The following MAD1L1 variants were observed in gnomAD, a reference collection of about 807,000 sequenced individuals.
MAD1L1 encodes mitotic arrest deficient 1 like 1.
Under a neutral mutation model 96.9 loss-of-function variants are expected in MAD1L1, and 95 were observed. The ratio of observed to expected loss-of-function variants is 0.98; its 90% CI spans 0.83 to 1.16. MAD1L1 has a LOEUF of 1.16. Ranked by LOEUF, MAD1L1 falls within the 50% of genes most tolerant of loss-of-function variation. MAD1L1 has a pLI of 0.00. For synonymous variants in MAD1L1, 473 were observed against 396.6 expected, an observed-to-expected ratio of 1.19 and a Z score of -2.29; for missense variants, 1,007 against 954.4, an observed-to-expected ratio of 1.06 and a Z score of -0.73.
At chr7:2,072,373 C>T (rs1785174449) in intron 11 of MAD1L1, among the ~76,000 whole-genome samples, 1 of 152,246 alleles carries the variant, frequency 6.6e-6, no homozygotes. Flanking sequence ...CCTCGGAAAG[C>T]CCTACACTGA....
chr7:1,934,684 C>T (rs979383304), intron 17 of MAD1L1, among the ~76,000 whole-genome samples: 2 of 148,678 alleles, frequency 1.3e-5, no homozygotes, highest in African/African-American at 2.5e-5. Context: ...GATGGGCGAA[C>T]CCGAGACAGG....
intron 11 of MAD1L1, chr7:2,148,380 GC>G (rs1472321676): frequency 6.5e-6 from 1 of 153,182 alleles, no homozygotes; most frequent in Non-Finnish European, 1.5e-5. Flanking sequence ...CCACCCCACT[GC>G]CCACCAGCCC....
chr7:2,025,615 G>A (rs1285739391), intron 12 of MAD1L1, among the ~76,000 whole-genome samples: 1 of 152,024 alleles, frequency 6.6e-6, no homozygotes, highest in Non-Finnish European at 1.5e-5. Flanking sequence ...TGCAACACAG[G>A]GGAATAAAAA....
chr7:2,099,609 G>T (rs1007629257), intron 11 of MAD1L1, among the ~76,000 whole-genome samples: 133 of 100,268 alleles, frequency 1.3e-3, no homozygotes, highest in Middle Eastern at 7.0e-3. Context: ...TGAGCGCATC[G>T]GGCTGGGAGA....
At chr7:1,987,572 G>A (rs532143261) in intron 14 of MAD1L1, among the ~76,000 whole-genome samples, 19 of 152,156 alleles carry the variant, frequency 1.2e-4, no homozygotes, top group African/African-American at 3.9e-4. Context: ...CATCGGGGAG[G>A]GGGGGAGAGG....
intron 18 of MAD1L1, among the ~76,000 whole-genome samples, chr7:1,860,227 C>T (rs1300440690): frequency 1.4e-5 from 2 of 146,338 alleles, no homozygotes; most frequent in Admixed American, 1.4e-4. Flanking sequence ...CCTCTGTGTC[C>T]CTAGACATGA....
At chr7:1,898,127 G>A (rs1787001576) in intron 18 of MAD1L1, 73 bp downstream of exon 18, 3 of 1,470,566 alleles carry the variant, frequency 2.0e-6, no homozygotes, top group South Asian at 1.2e-5. Context: ...TTTGCTGAGG[G>A]CTACGGTCGG....
rs148352019 is a variant in MAD1L1, at chr7:1,989,607, C to T, written c.1417-9066G>A. On this transcript the variant is annotated intron_variant, in intron 14 of 18. Transcript: ENST00000265854. ...GGACCCTGGGAGAGCAGCCTGAGCGCGAGCACAGACGTCCCGGCAGCGCTC... is the reference window on the plus strand; with the variant it reads ...GGACCCTGGGAGAGCAGCCTGAGCGTGAGCACAGACGTCCCGGCAGCGCTC... Among the ~76,000 whole-genome samples the T allele has an allele frequency of 2.7e-3, 418 of 152,330 alleles. 1 individual carries two copies. Among genetic ancestry groups the T allele is most frequent in the African/African-American group, 9.6e-3 (399 of 41,566 alleles).
chr7:1,982,072 G>A (rs779144228), intron 14 of MAD1L1, among the ~76,000 whole-genome samples: 3 of 152,144 alleles, frequency 2.0e-5, no homozygotes, highest in Non-Finnish European at 4.4e-5. Flanking sequence ...TCCGGAGGCT[G>A]CTGGTGCGCA....
At position 1,995,896 on chromosome 7, in the gene MAD1L1, G is replaced by A. The variant is rs535189534; in HGVS notation, c.1416+6169C>T. Reference sequence around the variant, plus strand: ...AGCACTTCGTCGTGGAGCAGGATGGGTCCGGAAGGTGAAATGAGGTACTGT... The same window carrying A: ...AGCACTTCGTCGTGGAGCAGGATGGATCCGGAAGGTGAAATGAGGTACTGT... On this transcript the variant is annotated intron_variant, in intron 14 of 18. Transcript: ENST00000265854. Among the ~76,000 whole-genome samples the A allele has an allele frequency of 5.3e-5, 8 of 152,306 alleles. No homozygotes were observed. The South Asian group carries it at 1.7e-3, about 32-fold the overall frequency.
At chr7:1,963,790 G>A (rs1388023220) in intron 15 of MAD1L1, among the ~76,000 whole-genome samples, 1 of 152,194 alleles carries the variant, frequency 6.6e-6, no homozygotes, top group Non-Finnish European at 1.5e-5. Context: ...GGGCCTAGAA[G>A]GTACTTCTGC....
intron 17 of MAD1L1, among the ~76,000 whole-genome samples, chr7:1,900,499 G>A (rs1322244409): frequency 1.3e-5 from 2 of 152,192 alleles, no homozygotes; most frequent in Admixed American, 6.5e-5. Context: ...AGCCCCTCCA[G>A]CAGGACGAGG....
intron 11 of MAD1L1, among the ~76,000 whole-genome samples, chr7:2,094,807 C>T (rs556577211): frequency 1.1e-4 from 16 of 152,160 alleles, no homozygotes; most frequent in South Asian, 8.3e-4. Flanking sequence ...AGACCAAACA[C>T]GGCAAAAGTG....
chr7:1,833,062 G>A (rs181161067), intron 18 of MAD1L1, among the ~76,000 whole-genome samples: 2 of 152,296 alleles, frequency 1.3e-5, no homozygotes, highest in African/African-American at 4.8e-5. Flanking sequence ...TAAAGGTTCG[G>A]GTGATCATTA....
intron 12 of MAD1L1, among the ~76,000 whole-genome samples, chr7:2,030,193 C>T (rs535419720): frequency 2.6e-4 from 39 of 152,286 alleles, no homozygotes; most frequent in Admixed American, 6.5e-4. Context: ...ATGTCCGCTA[C>T]GCCCCGCCCC....
intron 18 of MAD1L1, among the ~76,000 whole-genome samples, chr7:1,864,260 G>A (rs910589741): frequency 2.0e-5 from 3 of 152,216 alleles, no homozygotes; most frequent in African/African-American, 7.2e-5. Flanking sequence ...AACACCTGAA[G>A]GAGGAGGGGA....
chr7:1,908,856 G>A (rs1787838407), intron 17 of MAD1L1, among the ~76,000 whole-genome samples: 1 of 152,200 alleles, frequency 6.6e-6, no homozygotes, highest in Non-Finnish European at 1.5e-5. Flanking sequence ...CCACCACACG[G>A]CCTGGCTCCC....
chr7:1,983,573 A>C (rs899053603), intron 14 of MAD1L1, among the ~76,000 whole-genome samples: 2 of 152,248 alleles, frequency 1.3e-5, no homozygotes, highest in African/African-American at 4.8e-5. Flanking sequence ...GACAAAACTC[A>C]TAATTCTCAA....
chr7:2,108,587 T>C (rs1336287787), intron 11 of MAD1L1, among the ~76,000 whole-genome samples: 1 of 152,224 alleles, frequency 6.6e-6, no homozygotes, highest in Non-Finnish European at 1.5e-5. Flanking sequence ...GCTCTTTGTT[T>C]AAACATACAG....
Sources: gnomAD v4.1 joint callset for allele counts (sites outside exome capture counted in the v4.1 genomes callset) on GRCh38, gnomAD v4.1.1 for gene constraint, MANE v1.5 for transcripts, NCBI Gene and HGNC (gene_info 2026-07-23, HGNC 2026-07-21) for gene names.